The following THADA variants were observed in gnomAD, a reference collection of about 807,000 sequenced individuals.
THADA encodes THADA armadillo repeat containing, also known as tRNA (32-2'-O)-methyltransferase regulator THADA.
A neutral mutation model predicts 219.8 loss-of-function variants in THADA; 213 were observed. The ratio of observed to expected loss-of-function variants is 0.97; its 90% CI spans 0.87 to 1.09. The LOEUF (loss-of-function observed/expected upper bound fraction) is 1.09. Ranked by LOEUF, THADA falls within the 50% of genes least tolerant of loss-of-function variation. The probability of loss-of-function intolerance (pLI) is 0.00; values close to 1 mark genes in which losing one functional copy is unlikely to be tolerated. For missense variants in THADA, 2,956 were observed against 2,311.3 expected, an observed-to-expected ratio of 1.28 and a Z score of -5.72; for synonymous variants, 1,018 against 828.9, an observed-to-expected ratio of 1.23 and a Z score of -3.92.
intron 29 of THADA, among the ~76,000 whole-genome samples, chr2:43,361,224 A>G (rs750447723): frequency 1.6e-4 from 24 of 152,226 alleles, no homozygotes; most frequent in Admixed American, 5.2e-4. Flanking sequence ...GTCAAGACAT[A>G]GCTGGTAGCC....
At position 43,541,294 on chromosome 2, in the gene THADA, A is replaced by T; in HGVS notation, c.3129T>A (p.Asp1043Glu). ...ATACCAGCACCATCTGCGCAGTTAC[A>T]TCACATGTTTTTACTTCTTTACCTT... ...EIKGKEVKTC[D>E]VTAQMVLVCC... Residue 1043 changes from aspartate to glutamate, a missense_variant, in exon 21 of 38, where the codon GAT becomes GAA. Asp to Glu is a conservative substitution (Grantham distance 45). Coordinates refer to ENST00000405975, the MANE Select transcript of THADA (RefSeq NM_022065.5). 1.9e-6 allele frequency: 3 copies of T among 1,613,368 alleles called. No individual in the cohort carries two copies. Among genetic ancestry groups the T allele is most frequent in the Non-Finnish European group, 2.5e-6 (3 of 1,179,632 alleles).
chr2:43,471,805 T>C (rs1684939116), intron 26 of THADA, among the ~76,000 whole-genome samples: 1 of 152,232 alleles, frequency 6.6e-6, no homozygotes, highest in Non-Finnish European at 1.5e-5. Flanking sequence ...ACTTACCTGT[T>C]CTGTAATGAT....
chr2:43,460,383 C>T (rs371184420), intron 26 of THADA, among the ~76,000 whole-genome samples: 2 of 151,498 alleles, frequency 1.3e-5, no homozygotes, highest in Non-Finnish European at 2.9e-5. Flanking sequence ...GACTGTAACA[C>T]TATTCTGTCC....
At chr2:43,302,960 TA>T (rs148840929) in intron 31 of THADA, among the ~76,000 whole-genome samples, 5 of 147,276 alleles carry the variant, frequency 3.4e-5, no homozygotes, top group South Asian at 2.1e-4. Context: ...TAAAAAAAAC[TA>T]AAAAAAAAAG....
Position 43,586,725 on chromosome 2 carries a change from C to T in THADA, c.461G>A (p.Ser154Asn). The change falls in exon 6 of 38, where the codon AGT (serine) becomes AAT (asparagine). Residue 154 changes from serine to asparagine, a missense_variant. Physicochemically the swap from Ser to Asn is conservative, Grantham distance 46. Coordinates refer to ENST00000405975, the MANE Select transcript of THADA (RefSeq NM_022065.5). ...ACCATTTTTAAGCAGATTATTAACA[C>T]TTGCTCTACCTGTAGAGGAAAAAAT... ...CMENFNLGRASVNNLLKNVLH... is the reference protein window; with the variant it reads ...CMENFNLGRANVNNLLKNVLH... The T allele has an allele frequency of 6.2e-7, 1 of 1,612,360 alleles. No individual in the cohort carries two copies. Among genetic ancestry groups the T allele is most frequent in the Middle Eastern group, 1.7e-4 (1 of 6,028 alleles).
chr2:43,374,788 C>T (rs1031182231), intron 29 of THADA, among the ~76,000 whole-genome samples: 16 of 151,842 alleles, frequency 1.1e-4, no homozygotes, highest in African/African-American at 1.7e-4. Context: ...AAAAGGTAGG[C>T]GACTATACAA....
At chr2:43,347,653 G>A (rs924623194) in intron 29 of THADA, among the ~76,000 whole-genome samples, 1 of 152,138 alleles carries the variant, frequency 6.6e-6, no homozygotes, top group Non-Finnish European at 1.5e-5. Flanking sequence ...GGAAAGAGGT[G>A]GGGAGGAGAA....
intron 29 of THADA, among the ~76,000 whole-genome samples, chr2:43,347,380 TAAAC>T (rs1667747833): frequency 6.6e-6 from 1 of 152,136 alleles, no homozygotes; most frequent in African/African-American, 2.4e-5. Context: ...ATTCCAAAAA[TAAAC>T]AGTCAGAGAA....
chr2:43,268,929 G>A (rs1339000368), intron 36 of THADA, among the ~76,000 whole-genome samples: 2 of 152,196 alleles, frequency 1.3e-5, no homozygotes, highest in East Asian at 1.9e-4. Flanking sequence ...AACCAGGGAC[G>A]AACGAGAAAG....
chr2:43,574,310 C>G, intron 11 of THADA, 26 bp downstream of exon 11: 1 of 1,472,552 alleles, frequency 6.8e-7, no homozygotes, highest in Non-Finnish European at 9.0e-7. Context: ...TTAGAAACTA[C>G]TAAAACAAAA....
At chr2:43,524,883 C>T (rs1692964062) in intron 22 of THADA, among the ~76,000 whole-genome samples, 1 of 152,174 alleles carries the variant, frequency 6.6e-6, no homozygotes, top group Non-Finnish European at 1.5e-5. Context: ...TCAACTGTAC[C>T]ATTCAACCAC....
At chr2:43,540,466 A>C (rs974320994) in intron 21 of THADA, among the ~76,000 whole-genome samples, 7 of 152,236 alleles carry the variant, frequency 4.6e-5, no homozygotes, top group African/African-American at 1.7e-4. Flanking sequence ...ACCCTAGGGA[A>C]AAAGTTGCCT....
intron 28 of THADA, among the ~76,000 whole-genome samples, chr2:43,408,631 GTATC>G (rs542420895): frequency 5.0e-4 from 76 of 152,212 alleles, no homozygotes; most frequent in African/African-American, 1.8e-3. Flanking sequence ...TAAAATATGA[GTATC>G]TAACAATGTG....
intron 36 of THADA, among the ~76,000 whole-genome samples, chr2:43,244,156 C>T (rs1668897444): frequency 6.6e-6 from 1 of 152,088 alleles, no homozygotes; most frequent in Non-Finnish European, 1.5e-5. Context: ...TAAAAATGGA[C>T]ACAGCCAATA....
chr2:43,350,006 C>T (rs574078546), intron 29 of THADA, among the ~76,000 whole-genome samples: 4 of 152,278 alleles, frequency 2.6e-5, no homozygotes, highest in African/African-American at 7.2e-5. Flanking sequence ...GATTTTATTT[C>T]GACTGGTAAA....
At chr2:43,572,775 C>G in intron 12 of THADA, 39 bp downstream of exon 12, 1 of 1,588,922 alleles carries the variant, frequency 6.3e-7, no homozygotes, top group African/African-American at 1.3e-5. Context: ...TGAAAGGGAT[C>G]TACTGCATGT....
intron 13 of THADA, among the ~76,000 whole-genome samples, chr2:43,571,082 A>G (rs764904347): frequency 1.1e-4 from 17 of 151,926 alleles, no homozygotes; most frequent in Non-Finnish European, 2.4e-4. Flanking sequence ...AGAGCAAGAC[A>G]CTATCTCTAA....
At chr2:43,480,398 C>A (rs980968135) in intron 26 of THADA, among the ~76,000 whole-genome samples, 2 of 152,212 alleles carry the variant, frequency 1.3e-5, no homozygotes, top group African/African-American at 4.8e-5. Flanking sequence ...GACTTGGAGT[C>A]CCCTAGGGCA....
rs1398737422 is a variant in THADA at position 43,514,657 on chromosome 2, G to A, written c.3375-5877C>T. ...ATATTTTATATATAATATATATATTGTATATAATAATATATAATATATTAT... is the reference window on the plus strand; with the variant it reads ...ATATTTTATATATAATATATATATTATATATAATAATATATAATATATTAT... On this transcript the variant is annotated intron_variant, in intron 22 of 37. Transcript: ENST00000405975. 2.7e-3 allele frequency among the ~76,000 whole-genome samples: 175 copies of A among 64,692 alleles called. 19 individuals are homozygous for A. Among genetic ancestry groups the A allele is most frequent in the South Asian group, 7.8e-3 (19 of 2,430 alleles). The allele number at this position is 64,692 out of a possible 152,430, so 42.4% of individuals were successfully genotyped here. A position where few individuals can be genotyped will look rare whatever the true frequency, so the allele number is the denominator to read the frequency against.
Sources: gnomAD v4.1 joint callset for allele counts (sites outside exome capture counted in the v4.1 genomes callset) on GRCh38, gnomAD v4.1.1 for gene constraint, MANE v1.5 for transcripts, NCBI Gene and HGNC (gene_info 2026-07-23, HGNC 2026-07-21) for gene names.